ADAMTS3: variants seen among roughly 807,000 people sequenced by gnomAD.
ADAMTS3 encodes the protein A disintegrin and metalloproteinase with thrombospondin motifs 3.
ADAMTS3 carries 73 observed loss-of-function variants against 129.0 expected under a neutral mutation model. The ratio of observed to expected loss-of-function variants is 0.57; its 90% CI spans 0.47 to 0.69. The LOEUF is 0.69. ADAMTS3 is among the 30% of genes least tolerant of loss of function. ADAMTS3 has a pLI of 0.00. For synonymous variants in ADAMTS3, 477 were observed against 510.8 expected (o/e 0.93, Z 0.89); for missense variants, 1,457 against 1,514.5 (o/e 0.96, Z 0.63).
chr4:72,549,354 T>C (rs1363654896), intron 2 of ADAMTS3, among the ~76,000 whole-genome samples: 2 of 152,188 alleles, frequency 1.3e-5, no homozygotes, highest in Non-Finnish European at 2.9e-5. Flanking sequence ...CTATATTACA[T>C]GAGTCTGTAA....
In ADAMTS3 at chr4:72,313,767, C is replaced by T. The variant is rs1478403806; in HGVS notation, c.1655G>A (p.Gly552Asp). 6.2e-7 allele frequency: 1 copy of T among 1,613,830 alleles called. No homozygotes were observed. Among genetic ancestry groups the T allele is most frequent in the Non-Finnish European group, 8.5e-7 (1 of 1,179,874 alleles). Reference protein sequence around the residue: ...WKNANQQKQDGNWGSWTKFGS... With the variant: ...WKNANQQKQDDNWGSWTKFGS... ...AAATTTAGTCCATGACCCCCAATTG[C>T]CATCTTGTTTTTGCTGATTAGCATT... The change falls in exon 12 of 22, where the codon GGC becomes GAC. Residue 552 changes from glycine (G) to aspartate (D), a missense_variant. By Grantham distance (94) the Gly-to-Asp change is moderately conservative. Coordinates refer to ENST00000286657, the MANE Select transcript of ADAMTS3 (RefSeq NM_014243.3).
At chr4:72,383,567 T>G (rs1003006572) in intron 4 of ADAMTS3, among the ~76,000 whole-genome samples, 17 of 152,196 alleles carry the variant, frequency 1.1e-4, no homozygotes, top group African/African-American at 3.9e-4. Flanking sequence ...CAACAACCTC[T>G]GGCTGACCCC....
At chr4:72,401,497 G>A (rs766363296) in intron 4 of ADAMTS3, among the ~76,000 whole-genome samples, 27 of 148,368 alleles carry the variant, frequency 1.8e-4, no homozygotes, top group African/African-American at 6.5e-4. Context: ...AACTGGGGGG[G>A]TGGAGGTTGC....
chr4:72,458,497 T>C (rs765354944), intron 3 of ADAMTS3, among the ~76,000 whole-genome samples: 6 of 151,586 alleles, frequency 4.0e-5, no homozygotes, highest in African/African-American at 7.3e-5. Flanking sequence ...GTATTTAAGT[T>C]AAGTGGTTAA....
rs201874206 is a variant in ADAMTS3 at position 72,443,695 on chromosome 4, A to AC, written c.505-28725_505-28724insG. ...GAAATCCCAAAAACGTTCGAATGGA[A>AC]AAAAAAAAAATGGTACAAGAAACCT... On this transcript the variant is annotated intron_variant, in intron 3 of 21. Coordinates refer to ENST00000286657, the MANE Select transcript of ADAMTS3 (RefSeq NM_014243.3). 6.6e-3 allele frequency among the ~76,000 whole-genome samples: 968 copies of AC among 147,342 alleles called. 19 individuals are homozygous for AC. Among genetic ancestry groups the AC allele is most frequent in the African/African-American group, 0.022 (878 of 39,112 alleles).
At position 72,446,518 on chromosome 4, in the gene ADAMTS3, G is replaced by A. The variant is rs561976476; in HGVS notation, c.505-31547C>T. ...GAGCAACTCTCACCAAGAAAACAGC[G>A]ATCACACTGGTGTATGATCCAGACA... is the stretch of plus-strand genomic sequence containing the variant. On this transcript the variant is annotated intron_variant, in intron 3 of 21. Transcript: ENST00000286657. 4.0e-5 allele frequency among the ~76,000 whole-genome samples: 6 copies of A among 151,582 alleles called. No individual in the cohort carries two copies. The South Asian group carries it at 8.3e-4, about 21-fold the overall frequency.
chr4:72,456,777 G>A (rs1287028797), intron 3 of ADAMTS3, among the ~76,000 whole-genome samples: 2 of 151,336 alleles, frequency 1.3e-5, no homozygotes, highest in African/African-American at 4.8e-5. Flanking sequence ...CTCTTTAATT[G>A]GGGGTGCATT....
At chr4:72,433,671 A>G (rs892138731) in intron 3 of ADAMTS3, among the ~76,000 whole-genome samples, 3 of 151,892 alleles carry the variant, frequency 2.0e-5, no homozygotes, top group African/African-American at 7.2e-5. Flanking sequence ...AATACATTAA[A>G]ATTATGTGCT....
At chr4:72,449,979 C>T (rs1395603990) in intron 3 of ADAMTS3, among the ~76,000 whole-genome samples, 1 of 151,076 alleles carries the variant, frequency 6.6e-6, no homozygotes, top group Non-Finnish European at 1.5e-5. Flanking sequence ...TAAGACTTCT[C>T]CTAATCCCAC....
chr4:72,476,264 T>C (rs2109999368), intron 3 of ADAMTS3, among the ~76,000 whole-genome samples: 1 of 152,068 alleles, frequency 6.6e-6, no homozygotes, highest in Admixed American at 6.5e-5. Context: ...GCATGAGTTG[T>C]CAATATCAGA....
chr4:72,459,811 A>G (rs1260056572), intron 3 of ADAMTS3, among the ~76,000 whole-genome samples: 1 of 151,526 alleles, frequency 6.6e-6, no homozygotes, highest in African/African-American at 2.4e-5. Context: ...ATACTTGCAT[A>G]TATGTAATGA....
At chr4:72,372,373 A>G (rs1429342177) in intron 4 of ADAMTS3, among the ~76,000 whole-genome samples, 1 of 152,092 alleles carries the variant, frequency 6.6e-6, no homozygotes, top group African/African-American at 2.4e-5. Flanking sequence ...CAAATTGCCA[A>G]TATAAGGAAT....
chr4:72,492,344 A>G (rs1719769956), intron 3 of ADAMTS3, among the ~76,000 whole-genome samples: 1 of 149,938 alleles, frequency 6.7e-6, no homozygotes, highest in Non-Finnish European at 1.5e-5. Context: ...TGAGGTGCAA[A>G]GTTTTTTTTT....
rs548503339 is a variant in ADAMTS3 at position 72,492,209 on chromosome 4, C to T, written c.504+56269G>A. Among the ~76,000 whole-genome samples, 260 of 151,722 alleles carry T rather than the reference C, an allele frequency of 1.7e-3. 2 individuals are homozygous for T. Among genetic ancestry groups the T allele is most frequent in the Non-Finnish European group, 2.1e-3 (145 of 67,692 alleles). ...CTTTTATTTATCTTTCGAAAAACAACTTTCAGCTTTGCTGATTTTTTTCTG... is the reference window on the plus strand; with the variant it reads ...CTTTTATTTATCTTTCGAAAAACAATTTTCAGCTTTGCTGATTTTTTTCTG... On this transcript the variant is annotated intron_variant, in intron 3 of 21. Coordinates refer to ENST00000286657, the MANE Select transcript of ADAMTS3 (RefSeq NM_014243.3).
At chr4:72,344,586 A>G (rs1720229582) in intron 4 of ADAMTS3, among the ~76,000 whole-genome samples, 1 of 152,154 alleles carries the variant, frequency 6.6e-6, no homozygotes, top group South Asian at 2.1e-4. Context: ...GTTACATGTG[A>G]CTAAGTATAA....
At chr4:72,486,089 A>G (rs1719584658) in intron 3 of ADAMTS3, among the ~76,000 whole-genome samples, 1 of 152,230 alleles carries the variant, frequency 6.6e-6, no homozygotes, top group Admixed American at 6.5e-5. Flanking sequence ...GATACCTAGT[A>G]CGTGCCTTCA....
chr4:72,564,172 A>G (rs937196582), intron 2 of ADAMTS3, among the ~76,000 whole-genome samples: 1 of 152,178 alleles, frequency 6.6e-6, no homozygotes, highest in African/African-American at 2.4e-5. Flanking sequence ...GGGGTCGGGA[A>G]AGGGAAGACA....
chr4:72,457,901 TTATAAGAAAGGCAGGTTGCTGTGA>T, intron 3 of ADAMTS3, among the ~76,000 whole-genome samples: 1 of 151,578 alleles, frequency 6.6e-6, no homozygotes. Context: ...TGTTAGACAA[TTATAAGAAAGGCAGGTTGCTGTGA>T]CTCATCTTTG....
At chr4:72,334,874 T>C (rs573000480) in intron 5 of ADAMTS3, among the ~76,000 whole-genome samples, 94 of 152,060 alleles carry the variant, frequency 6.2e-4, no homozygotes, top group Non-Finnish European at 1.1e-3. Context: ...CTTCTTCATA[T>C]AGGAAGCTTG....
Sources: allele counts gnomAD v4.1 joint callset (sites outside exome capture counted in the v4.1 genomes callset), GRCh38; gene constraint gnomAD v4.1.1; transcripts MANE v1.5; gene names NCBI Gene and HGNC (gene_info 2026-07-23, HGNC 2026-07-21).